Variants in SPAST observed in about 807,000 individuals in gnomAD.
SPAST encodes spastin.
SPAST carries 30 observed loss-of-function variants against 76.6 expected under a neutral mutation model. The ratio of observed to expected loss-of-function variants is 0.39; its 90% CI spans 0.29 to 0.53. SPAST has a LOEUF of 0.53. SPAST is among the 20% of genes least tolerant of loss of function. The pLI is 0.68. For synonymous variants in SPAST, 305 were observed against 281.0 expected (o/e 1.09, Z -0.86); for missense variants, 717 against 770.5 (o/e 0.93, Z 0.82).
intron 3 of SPAST, among the ~76,000 whole-genome samples, chr2:32,096,968 G>A (rs1677939461): frequency 6.6e-6 from 1 of 152,108 alleles, no homozygotes; most frequent in Non-Finnish European, 1.5e-5. Context: ...TGCCAAAAAG[G>A]GTAGCTGCTA....
At position 32,087,469 on chromosome 2, in the gene SPAST, A is replaced by G. The variant is rs200083732; in HGVS notation, c.416-23A>G. 244 of 1,446,026 alleles carry G rather than the reference A, an allele frequency of 1.7e-4. 1 individual carries two copies. The Admixed American group carries it at 3.7e-3, about 22-fold the overall frequency. The allele number at this position is 1,446,026 out of a possible 1,614,324, so 89.6% of individuals were successfully genotyped here. A position where few individuals can be genotyped will look rare whatever the true frequency, so the allele number is the denominator to read the frequency against. On this transcript the variant is annotated intron_variant, in intron 1 of 16. Coordinates refer to ENST00000315285, the MANE Select transcript of SPAST (RefSeq NM_014946.4). The stretch of plus-strand genomic sequence containing the variant: ...TTAGTGTACTCTTCATACGATCTAT[A>G]CAAATAATTTTTTATTTTAAAGCAG...
At chr2:32,093,268 G>A (rs1442198728) in intron 3 of SPAST, among the ~76,000 whole-genome samples, 1 of 123,918 alleles carries the variant, frequency 8.1e-6, no homozygotes, top group Non-Finnish European at 1.6e-5. Context: ...CCGAGATCCC[G>A]CCACTGCACT....
intron 3 of SPAST, among the ~76,000 whole-genome samples, chr2:32,094,956 G>A (rs113629762): frequency 0.015 from 2,228 of 152,312 alleles, 54 homozygotes; most frequent in African/African-American, 0.046. Context: ...GCAACAAAGC[G>A]AGACTCCGTC....
At position 32,114,680 on chromosome 2, in the gene SPAST, C is replaced by G. The variant is rs756026679; in HGVS notation, c.725C>G (p.Thr242Ser). ...VPKRKDPLTH[T>S]SNSLPRSKTV... ...AAAAGAAAAGACCCCTTAACACACA[C>G]TAGTAATTCACTGCCTCGTTCAAAA... Residue 242 changes from threonine to serine, a missense_variant, in exon 5 of 17, where the codon ACT becomes AGT. By Grantham distance (58) the Thr-to-Ser change is moderately conservative. Around this residue, in one of 3 missense-constraint regions of SPAST, gnomAD observed 543 missense variants for 445.2 expected, o/e 1.22. Transcript: ENST00000315285. 5.6e-6 allele frequency: 9 copies of G among 1,614,034 alleles called. No homozygotes were observed. The highest frequency in any genetic ancestry group is 7.6e-6 in the Non-Finnish European group (9 of 1,180,020).
chr2:32,097,698 CT>C (rs11442450), intron 3 of SPAST, among the ~76,000 whole-genome samples: 112 of 130,466 alleles, frequency 8.6e-4, no homozygotes, highest in African/African-American at 2.2e-3. Context: ...TTTTTCTTTT[CT>C]TTTTTTTTTT....
intron 7 of SPAST, among the ~76,000 whole-genome samples, chr2:32,119,426 C>G (rs1262829303): frequency 6.6e-6 from 1 of 152,070 alleles, no homozygotes; most frequent in Admixed American, 6.6e-5. Flanking sequence ...CTTGAGTATA[C>G]TGGAATTTTT....
intron 4 of SPAST, among the ~76,000 whole-genome samples, chr2:32,106,902 CAAAG>C (rs1025443641): frequency 4.7e-5 from 7 of 147,982 alleles, no homozygotes; most frequent in Non-Finnish European, 9.0e-5. Context: ...AAAAAAAAAA[CAAAG>C]AAATGTAAGA....
intron 9 of SPAST, among the ~76,000 whole-genome samples, chr2:32,132,285 G>A (rs897117707): frequency 2.6e-5 from 4 of 152,072 alleles, no homozygotes; most frequent in African/African-American, 9.7e-5. Flanking sequence ...CAGCCACTTG[G>A]GAGACTGAAG....
chr2:32,083,761 TATATATATATATATA>T (rs1677350545), intron 1 of SPAST, among the ~76,000 whole-genome samples: 6 of 94,198 alleles, frequency 6.4e-5, no homozygotes, highest in South Asian at 3.9e-4. Context: ...TATATATATA[TATATATATATATATA>T]TTTTTTTTTT....
intron 1 of SPAST, among the ~76,000 whole-genome samples, chr2:32,080,875 A>G (rs537611938): frequency 1.4e-3 from 180 of 130,380 alleles, no homozygotes; most frequent in African/African-American, 5.0e-3. Flanking sequence ...GCTCGCTGCA[A>G]CCTCCGCCTC....
intron 4 of SPAST, among the ~76,000 whole-genome samples, chr2:32,113,554 T>C (rs1239977607): frequency 6.7e-6 from 1 of 148,970 alleles, no homozygotes; most frequent in Non-Finnish European, 1.5e-5. Context: ...TTTATTTGCT[T>C]CATAACTTTT....
At chr2:32,138,149 T>A (rs1391718810) in intron 12 of SPAST, among the ~76,000 whole-genome samples, 1 of 152,234 alleles carries the variant, frequency 6.6e-6, no homozygotes, top group Admixed American at 6.5e-5. Context: ...TTTGGTATAA[T>A]GATCTATTTT....
intron 4 of SPAST, among the ~76,000 whole-genome samples, chr2:32,109,769 T>C (rs1026830731): frequency 2.0e-5 from 3 of 149,038 alleles, no homozygotes; most frequent in Admixed American, 6.7e-5. Flanking sequence ...TATATAGTTA[T>C]ATATGTATAT....
intron 7 of SPAST, among the ~76,000 whole-genome samples, chr2:32,120,352 C>T (rs1464548122): frequency 1.3e-5 from 2 of 152,120 alleles, no homozygotes; most frequent in South Asian, 2.1e-4. Context: ...CTTTTTCTCA[C>T]CCAGGCTGGA....
At chr2:32,102,021 T>G (rs1289210450) in intron 4 of SPAST, among the ~76,000 whole-genome samples, 11 of 152,172 alleles carry the variant, frequency 7.2e-5, no homozygotes, top group East Asian at 1.9e-4. Flanking sequence ...GAAAGTCATT[T>G]GTAGCTTGAT....
At chr2:32,084,010 C>G (rs1345547775) in intron 1 of SPAST, among the ~76,000 whole-genome samples, 1 of 150,660 alleles carries the variant, frequency 6.6e-6, no homozygotes, top group Non-Finnish European at 1.5e-5. Flanking sequence ...AACTCCTGAC[C>G]TCAGGTGATC....
intron 1 of SPAST, among the ~76,000 whole-genome samples, chr2:32,081,427 G>C (rs1278258185): frequency 3.3e-5 from 5 of 152,104 alleles, no homozygotes. Context: ...TTCATTCAGG[G>C]TCCCAGCCAA....
At chr2:32,125,015 C>A (rs1679144344) in intron 7 of SPAST, among the ~76,000 whole-genome samples, 1 of 151,936 alleles carries the variant, frequency 6.6e-6, no homozygotes, top group South Asian at 2.1e-4. Context: ...TAAGAGTGAA[C>A]CCTAATGTAA....
intron 4 of SPAST, among the ~76,000 whole-genome samples, chr2:32,100,411 GGT>G (rs1678077069): frequency 6.7e-6 from 1 of 150,276 alleles, no homozygotes; most frequent in Admixed American, 6.7e-5. Flanking sequence ...AACAACCTTA[GGT>G]TAGGCTATAA....
Sources: allele counts gnomAD v4.1 joint callset (sites outside exome capture counted in the v4.1 genomes callset), GRCh38; gene constraint gnomAD v4.1.1; regional missense constraint gnomAD v4.1.1; transcripts MANE v1.5; gene names NCBI Gene and HGNC (gene_info 2026-07-23, HGNC 2026-07-21).